Variants in KIAA1549L observed in about 807,000 individuals in gnomAD.
The protein encoded by KIAA1549L is UPF0606 protein KIAA1549L.
Under a neutral mutation model 160.7 loss-of-function variants are expected in KIAA1549L, and 88 were observed. That is an observed-to-expected ratio of 0.55 (90% CI 0.46 to 0.65). The LOEUF is 0.65. Among genes scored for constraint, KIAA1549L ranks in the 30% least tolerant of loss-of-function variants. The pLI is 0.00. For missense variants in KIAA1549L, 2,258 were observed against 2,437.5 expected, an observed-to-expected ratio of 0.93 and a Z score of 1.55; for synonymous variants, 950 against 976.7, an observed-to-expected ratio of 0.97 and a Z score of 0.51.
chr11:33,464,449 C>G (rs1250676106), intron 1 of KIAA1549L, among the ~76,000 whole-genome samples: 13 of 151,290 alleles, frequency 8.6e-5, no homozygotes, highest in Admixed American at 5.9e-4. Flanking sequence ...ATCATAGGCC[C>G]AAATGCCTGC....
chr11:33,655,310 C>G (rs951368108), intron 17 of KIAA1549L, among the ~76,000 whole-genome samples: 13 of 152,274 alleles, frequency 8.5e-5, no homozygotes, highest in Non-Finnish European at 1.5e-4. Context: ...TCTGAGCAAG[C>G]ATTGTTGTCC....
At chr11:33,411,386 C>G (rs886984204) in intron 1 of KIAA1549L, among the ~76,000 whole-genome samples, 2 of 152,058 alleles carry the variant, frequency 1.3e-5, no homozygotes, top group Non-Finnish European at 2.9e-5. Context: ...GAAGCTGATC[C>G]CTGGGGCAGC....
chr11:33,530,981 T>A lies in KIAA1549L; in HGVS notation c.239-10821T>A, dbSNP rs1590315634. Among the ~76,000 whole-genome samples, 5 of 152,266 alleles carry A rather than the reference T, an allele frequency of 3.3e-5. No individual in the cohort carries two copies. In the South Asian group the frequency reaches 1.0e-3, roughly 32 times the overall value. On this transcript the variant is annotated intron_variant, in intron 1 of 20. Transcript: ENST00000658780. ...GCAAACCAAAGCTTTTCCAAGAACA[T>A]CATCTGGAAATAAAATTTACCACAG...
chr11:33,667,095 G>A (rs1178133028), intron 20 of KIAA1549L, among the ~76,000 whole-genome samples: 2 of 152,182 alleles, frequency 1.3e-5, no homozygotes, highest in African/African-American at 4.8e-5. Context: ...TACTCAGGAG[G>A]CTGAGGCAGG....
At chr11:33,412,649 G>A (rs1850806991) in intron 1 of KIAA1549L, among the ~76,000 whole-genome samples, 2 of 152,198 alleles carry the variant, frequency 1.3e-5, no homozygotes, top group Admixed American at 1.3e-4. Flanking sequence ...ATGACTGATG[G>A]CAGGCTGATC....
intron 1 of KIAA1549L, among the ~76,000 whole-genome samples, chr11:33,538,684 G>T (rs80242710): frequency 2.6e-5 from 4 of 152,256 alleles, no homozygotes; most frequent in African/African-American, 9.6e-5. Flanking sequence ...TATTGACTCT[G>T]TTGTTAAGCT....
At chr11:33,609,610 C>T in intron 14 of KIAA1549L, 139 bp from the exon 15 acceptor site, 2 of 647,906 alleles carry the variant, frequency 3.1e-6, no homozygotes, top group Non-Finnish European at 5.5e-6. Context: ...GAATGGGATG[C>T]AGGTGGGCCT....
In KIAA1549L at chr11:33,440,120, C is replaced by CTTTT. The variant is rs201551936; in HGVS notation, c.238+63255_238+63258dup. On this transcript the variant is annotated intron_variant, in intron 1 of 20. Transcript: ENST00000658780. ...GGTTATTTCCTCACCTATTTTGTTT[C>CTTTT]TTTTTTTTTTTTTTTTTTTTTTTTT... 8.4e-5 allele frequency among the ~76,000 whole-genome samples: 7 copies of CTTTT among 83,426 alleles called. 1 individual carries two copies. The highest frequency in any genetic ancestry group is 1.7e-4 in the Non-Finnish European group (7 of 40,754). The allele number at this position is 83,426 out of a possible 152,430, so 54.7% of individuals were successfully genotyped here. A position where few individuals can be genotyped will look rare whatever the true frequency, so the allele number is the denominator to read the frequency against.
chr11:33,381,295 G>A (rs1850070080), intron 1 of KIAA1549L, among the ~76,000 whole-genome samples: 1 of 152,166 alleles, frequency 6.6e-6, no homozygotes, highest in African/African-American at 2.4e-5. Context: ...ATCAGGGTAG[G>A]GGATAGTGCC....
At position 33,583,506 on chromosome 11, in the gene KIAA1549L, A is replaced by G. The variant is rs1169198463; in HGVS notation, c.4566+5A>G. ...AACCTGCCGCAGAGAGCAAAGGTATATGGAAGTGGTGGGGAGAGGGGCAGG... is the reference window on the plus strand; with the variant it reads ...AACCTGCCGCAGAGAGCAAAGGTATGTGGAAGTGGTGGGGAGAGGGGCAGG... On this transcript the variant is annotated splice_donor_5th_base_variant and intron_variant, in intron 11 of 20. Transcript: ENST00000658780. 6.4e-7 allele frequency: 1 copy of G among 1,568,890 alleles called. No homozygotes were observed. The highest frequency in any genetic ancestry group is 8.6e-7 in the Non-Finnish European group (1 of 1,156,820).
At chr11:33,610,203 G>A (rs184477385) in intron 15 of KIAA1549L, among the ~76,000 whole-genome samples, 2 of 152,040 alleles carry the variant, frequency 1.3e-5, no homozygotes, top group East Asian at 1.9e-4. Flanking sequence ...TTGTCCATCA[G>A]CTTAATGGTA....
At chr11:33,524,197 G>A (rs913455537) in intron 1 of KIAA1549L, among the ~76,000 whole-genome samples, 10 of 151,886 alleles carry the variant, frequency 6.6e-5, no homozygotes, top group Admixed American at 1.3e-4. Flanking sequence ...TTTGATTATC[G>A]ACATTATTCA....
In KIAA1549L at chr11:33,522,387, G is replaced by A. The variant is rs188513978; in HGVS notation, c.239-19415G>A. ...GAATTAAGAATTAATAATAGTATTC[G>A]TTATTAATATTGACAACATATTCTG... On this transcript the variant is annotated intron_variant, in intron 1 of 20. Coordinates refer to ENST00000658780, the MANE Select transcript of KIAA1549L (RefSeq NM_012194.3). Among the ~76,000 whole-genome samples the A allele has an allele frequency of 1.2e-3, 188 of 152,230 alleles. No homozygotes were observed. In the South Asian group the frequency reaches 0.025, roughly 20 times the overall value.
At chr11:33,544,623 G>A (rs1423650395) in intron 2 of KIAA1549L, 144 bp from the exon 3 acceptor site, 25 of 1,059,490 alleles carry the variant, frequency 2.4e-5, no homozygotes, top group Non-Finnish European at 3.1e-5. Flanking sequence ...GCCTAGAGTT[G>A]TTTTGCCTAA....
At chr11:33,638,182 C>A (rs576649032) in intron 16 of KIAA1549L, among the ~76,000 whole-genome samples, 122 of 152,246 alleles carry the variant, frequency 8.0e-4, no homozygotes, top group African/African-American at 2.9e-3. Context: ...AAAGTGTACA[C>A]CCTTATAACC....
At chr11:33,430,460 G>A (rs1254573694) in intron 1 of KIAA1549L, among the ~76,000 whole-genome samples, 1 of 152,152 alleles carries the variant, frequency 6.6e-6, no homozygotes, top group Non-Finnish European at 1.5e-5. Context: ...GCCTGAACTT[G>A]CCCTGAGGCT....
intron 1 of KIAA1549L, among the ~76,000 whole-genome samples, chr11:33,477,973 G>A (rs1484376158): frequency 1.3e-5 from 2 of 152,220 alleles, no homozygotes; most frequent in East Asian, 1.9e-4. Context: ...GTGGAGACCT[G>A]TGAACTACAG....
At chr11:33,541,572 C>T (rs533983830) in intron 1 of KIAA1549L, among the ~76,000 whole-genome samples, 118 of 152,314 alleles carry the variant, frequency 7.7e-4, no homozygotes, top group Non-Finnish European at 1.5e-3. Flanking sequence ...AACATCTTGC[C>T]TTAAGCATCA....
chr11:33,455,736 A>G (rs759097547), intron 1 of KIAA1549L, among the ~76,000 whole-genome samples: 1 of 152,260 alleles, frequency 6.6e-6, no homozygotes, highest in Admixed American at 6.5e-5. Context: ...AGAAGATTCT[A>G]GAAGATGACA....
Sources: allele counts gnomAD v4.1 joint callset (sites outside exome capture counted in the v4.1 genomes callset), GRCh38; gene constraint gnomAD v4.1.1; transcripts MANE v1.5; gene names NCBI Gene and HGNC (gene_info 2026-07-23, HGNC 2026-07-21).